Variants in PAQR5 observed in about 807,000 individuals in gnomAD.
PAQR5 encodes membrane progestin receptor gamma.
A neutral mutation model predicts 34.5 loss-of-function variants in PAQR5; 20 were observed. The ratio of observed to expected loss-of-function variants is 0.58; its 90% confidence interval spans 0.41 to 0.84. The LOEUF is 0.84. Among genes scored for constraint, PAQR5 ranks in the 40% least tolerant of loss-of-function variants. The pLI, the probability that PAQR5 is intolerant of heterozygous loss-of-function variation, is 0.00. For synonymous variants in PAQR5, 131 were observed against 155.6 expected (o/e 0.84, Z 1.18); for missense variants, 378 against 412.7 (o/e 0.92, Z 0.73).
At chr15:69,321,427 G>A (rs1468020244) in intron 1 of PAQR5, among the ~76,000 whole-genome samples, 8 of 152,130 alleles carry the variant, frequency 5.3e-5, no homozygotes, top group African/African-American at 7.2e-5. Context: ...GGTCTGAGAC[G>A]TCATATCGTT....
At chr15:69,391,006 C>T (rs2056253821) in intron 6 of PAQR5, among the ~76,000 whole-genome samples, 2 of 152,116 alleles carry the variant, frequency 1.3e-5, no homozygotes, top group Non-Finnish European at 2.9e-5. Flanking sequence ...ACAGCCCTGG[C>T]TGAATAGGGC....
chr15:69,361,923 G>A (rs1433786829), intron 3 of PAQR5, among the ~76,000 whole-genome samples: 1 of 151,866 alleles, frequency 6.6e-6, no homozygotes, highest in African/African-American at 2.4e-5. Flanking sequence ...GTGAGCAAAG[G>A]CCTAGAGATG....
chr15:69,334,750 G>T (rs1173211012), intron 1 of PAQR5, among the ~76,000 whole-genome samples: 1 of 149,934 alleles, frequency 6.7e-6, no homozygotes, highest in Non-Finnish European at 1.5e-5. Flanking sequence ...TGATCAGAAG[G>T]CATGGGAATA....
chr15:69,305,307 A>T (rs1239628082), intron 1 of PAQR5, among the ~76,000 whole-genome samples: 1 of 151,274 alleles, frequency 6.6e-6, no homozygotes, highest in African/African-American at 2.4e-5. Context: ...ATCTATGAAG[A>T]CCCTCCCAAC....
rs1224567638 is a variant in PAQR5, at chr15:69,329,463, C to CCTT, written c.-276-7878_-276-7877insCTT. ...TTTTACCTAAATTTATTTTTTCTTT[C>CCTT]TTTTTTTTTTTTTTTTTTTTTTTTT... On this transcript the variant is annotated intron_variant, in intron 1 of 8. Coordinates refer to ENST00000395407, the MANE Select transcript of PAQR5 (RefSeq NM_017705.4). Among the ~76,000 whole-genome samples the CCTT allele has an allele frequency of 3.3e-3, 247 of 73,826 alleles. 2 individuals are homozygous for CCTT. Among genetic ancestry groups the CCTT allele is most frequent in the African/African-American group, 0.013 (235 of 17,572 alleles). The allele number at this position is 73,826 out of a possible 152,430, so 48.4% of individuals were successfully genotyped here.
intron 2 of PAQR5, among the ~76,000 whole-genome samples, chr15:69,347,493 C>T (rs1454330028): frequency 1.3e-5 from 2 of 152,022 alleles, no homozygotes; most frequent in African/African-American, 4.8e-5. Flanking sequence ...AAAGGGAGGG[C>T]CTTATGTTAT....
chr15:69,299,104 G>C (rs1278757720), intron 1 of PAQR5, 48 bp downstream of exon 1: 2 of 152,280 alleles, frequency 1.3e-5, no homozygotes, highest in African/African-American at 4.8e-5. Flanking sequence ...CCCACCTCCC[G>C]GTCCACGCGC....
intron 1 of PAQR5, among the ~76,000 whole-genome samples, chr15:69,305,640 C>T (rs528933457): frequency 6.6e-6 from 1 of 152,174 alleles, no homozygotes; most frequent in Non-Finnish European, 1.5e-5. Flanking sequence ...CTCAGCATTC[C>T]ACCCACTTTC....
At chr15:69,363,679 A>G (rs1032519036) in intron 3 of PAQR5, among the ~76,000 whole-genome samples, 7 of 151,600 alleles carry the variant, frequency 4.6e-5, no homozygotes, top group Admixed American at 2.0e-4. Flanking sequence ...CAACCTCTCA[A>G]GTAGCTGGGA....
At chr15:69,308,243 C>G (rs1451473647) in intron 1 of PAQR5, among the ~76,000 whole-genome samples, 1 of 152,094 alleles carries the variant, frequency 6.6e-6, no homozygotes, top group Non-Finnish European at 1.5e-5. Flanking sequence ...GGTTTGGGCA[C>G]TGTGGGTAGA....
In PAQR5 at chr15:69,404,518, G is replaced by A. The variant is rs146437152; in HGVS notation, c.*696G>A. ...TCCACAGCGGGGTGTCATGTGTTCT[G>A]TTATGTTCTGTTTTCTGGTTGCCAG... On this transcript the variant is annotated 3_prime_UTR_variant, in exon 9 of 9. Coordinates refer to ENST00000395407, the MANE Select transcript of PAQR5 (RefSeq NM_017705.4). 4.1e-3 allele frequency: 640 copies of A among 156,536 alleles called. 2 individuals are homozygous for A. Among genetic ancestry groups the A allele is most frequent in the Non-Finnish European group, 7.1e-3 (507 of 71,122 alleles). 9.7% of individuals were successfully genotyped at this position (156,536 alleles called of 1,614,324 possible).
In PAQR5 at chr15:69,390,348, A is replaced by ATTTTTTT. The variant is rs67519047; in HGVS notation, c.512+571_512+572insTTTTTTT. Among the ~76,000 whole-genome samples, 25 of 124,888 alleles carry ATTTTTTT rather than the reference A, an allele frequency of 2.0e-4. 3 individuals are homozygous for ATTTTTTT. The highest frequency in any genetic ancestry group is 4.2e-4 in the Admixed American group (5 of 11,768). 81.9% of individuals were successfully genotyped at this position (124,888 alleles called of 152,430 possible). Reference sequence around the variant, plus strand: ...TATTTATTTATTTATTTATTTATTTATTTATTTATTTATTTTTTTGAGACA... The same window carrying ATTTTTTT: ...TATTTATTTATTTATTTATTTATTTATTTTTTTTTTATTTATTTATTTTTTTGAGACA... On this transcript the variant is annotated intron_variant, in intron 6 of 8. Coordinates refer to ENST00000395407, the MANE Select transcript of PAQR5 (RefSeq NM_017705.4).
intron 3 of PAQR5, among the ~76,000 whole-genome samples, chr15:69,365,922 T>C (rs767539626): frequency 3.3e-5 from 5 of 152,224 alleles, no homozygotes; most frequent in African/African-American, 4.8e-5. Context: ...ATTTTCTTGA[T>C]GGAAAGATTT....
In PAQR5 at chr15:69,400,073, C is replaced by A. The variant is rs1291902773; in HGVS notation, c.709C>A (p.His237Asn). The change falls in exon 8 of 9, where the codon CAT becomes AAT. Residue 237 changes from histidine to asparagine, a missense_variant. By Grantham distance (68) the His-to-Asn change is moderately conservative. Coordinates refer to ENST00000395407, the MANE Select transcript of PAQR5 (RefSeq NM_017705.4). ...CCTGGCCTCTTTCTTGTACTCTGCACATCTGCCAGAACGCCTAGCCCCTGG... is the reference window on the plus strand; with the variant it reads ...CCTGGCCTCTTTCTTGTACTCTGCAAATCTGCCAGAACGCCTAGCCCCTGG... ...TLLASFLYSA[H>N]LPERLAPGRF... is the part of the protein sequence containing the mutation. The A allele has an allele frequency of 9.3e-6, 15 of 1,614,204 alleles. No homozygotes were observed. The highest frequency in any genetic ancestry group is 2.2e-5 in the South Asian group (2 of 91,080).
chr15:69,308,267 A>C (rs1439785748), intron 1 of PAQR5, among the ~76,000 whole-genome samples: 10 of 152,230 alleles, frequency 6.6e-5, no homozygotes, highest in Non-Finnish European at 1.3e-4. Context: ...CCAGAGATCA[A>C]CATGACCTAG....
intron 1 of PAQR5, among the ~76,000 whole-genome samples, chr15:69,299,389 C>A (rs949835295): frequency 1.3e-5 from 2 of 152,234 alleles, no homozygotes; most frequent in Non-Finnish European, 2.9e-5. Flanking sequence ...CGCCGCTTAT[C>A]CTTCCTCCAC....
At chr15:69,320,569 A>C (rs1312268812) in intron 1 of PAQR5, among the ~76,000 whole-genome samples, 1 of 152,242 alleles carries the variant, frequency 6.6e-6, no homozygotes, top group Non-Finnish European at 1.5e-5. Flanking sequence ...TTTTACAAAA[A>C]GGTATTTAAA....
intron 6 of PAQR5, among the ~76,000 whole-genome samples, chr15:69,396,419 A>G (rs1309875835): frequency 1.3e-5 from 2 of 152,048 alleles, no homozygotes. Flanking sequence ...GCCCAGATGC[A>G]TGCATTGCCT....
chr15:69,399,502 G>A (rs1368582599), intron 7 of PAQR5, among the ~76,000 whole-genome samples: 3 of 152,116 alleles, frequency 2.0e-5, no homozygotes, highest in African/African-American at 7.2e-5. Context: ...TTAAGTTTGG[G>A]GGAGTCAAAA....
Sources: allele counts gnomAD v4.1 joint callset (sites outside exome capture counted in the v4.1 genomes callset), GRCh38; gene constraint gnomAD v4.1.1; transcripts MANE v1.5; gene names NCBI Gene and HGNC (gene_info 2026-07-23, HGNC 2026-07-21).